ANKRD36: variants seen among roughly 807,000 people sequenced by gnomAD.
ANKRD36 encodes ankyrin repeat domain 36.
ANKRD36 carries 179 observed loss-of-function variants against 278.1 expected under a neutral mutation model. The ratio of observed to expected loss-of-function variants is 0.64; its 90% CI spans 0.57 to 0.73. ANKRD36 has a LOEUF of 0.73. Ranked by LOEUF, ANKRD36 falls within the 30% of genes least tolerant of loss-of-function variation. The pLI, the probability that ANKRD36 is intolerant of heterozygous loss-of-function variation, is 0.00. For missense variants in ANKRD36, 1,159 were observed against 1,956.7 expected, an observed-to-expected ratio of 0.59 and a Z score of 7.69; for synonymous variants, 320 against 641.1, an observed-to-expected ratio of 0.50 and a Z score of 7.57.
chr2:97,186,116 G>T (rs2057371171), intron 30 of ANKRD36, among the ~76,000 whole-genome samples: 1 of 151,796 alleles, frequency 6.6e-6, no homozygotes, highest in African/African-American at 2.4e-5. Context: ...GGAACTACTG[G>T]ATGAAGCAAA....
At position 97,155,951 on chromosome 2, in the gene ANKRD36, A is replaced by G. The variant is rs1322586282; in HGVS notation, c.1260+1210A>G. ...TATGCCTAAGATATCTAATAATTAA[A>G]TCTATTAAATGTCTTGAATGTTCTG... On this transcript the variant is annotated intron_variant, in intron 15 of 75. Transcript: ENST00000420699. Among the ~76,000 whole-genome samples, 7 of 146,344 alleles carry G rather than the reference A, an allele frequency of 4.8e-5. 2 individuals carry two copies. Among genetic ancestry groups the G allele is most frequent in the African/African-American group, 9.7e-5 (4 of 41,162 alleles).
chr2:97,192,691 T>A (rs189666978), intron 36 of ANKRD36, among the ~76,000 whole-genome samples, 167 bp from the exon 37 acceptor site: 3 of 151,530 alleles, frequency 2.0e-5, no homozygotes, highest in Admixed American at 1.3e-4. Context: ...ATTCCCTTTT[T>A]TCAGTGTATT....
At chr2:97,165,629 T>C (rs997189945) in intron 20 of ANKRD36, among the ~76,000 whole-genome samples, 4 of 152,182 alleles carry the variant, frequency 2.6e-5, no homozygotes, top group Non-Finnish European at 5.9e-5. Flanking sequence ...ACTCCAGGAA[T>C]GATCAAATCA....
intron 64 of ANKRD36, among the ~76,000 whole-genome samples, chr2:97,218,290 T>C (rs2066483941): frequency 6.7e-6 from 1 of 149,110 alleles, no homozygotes; most frequent in African/African-American, 2.5e-5. Context: ...GATTTCCAAA[T>C]GTATAAGTTT....
At chr2:97,219,467 TG>T (rs1242504335) in intron 66 of ANKRD36, among the ~76,000 whole-genome samples, 1 of 152,064 alleles carries the variant, frequency 6.6e-6, no homozygotes, top group African/African-American at 2.4e-5. Context: ...TGTTTTGTTT[TG>T]TTTTTTGTTT....
At position 97,203,489 on chromosome 2, in the gene ANKRD36, G is replaced by A. The variant is rs139024447; in HGVS notation, c.2960-579G>A. Reference sequence around the variant, plus strand: ...TAGGCAGATTATTACACCATATGGGGGTGAGAGATAATGAATATTATCTAC... The same window carrying A: ...TAGGCAGATTATTACACCATATGGGAGTGAGAGATAATGAATATTATCTAC... On this transcript the variant is annotated intron_variant, in intron 48 of 75. Transcript: ENST00000420699. 2.0e-5 allele frequency among the ~76,000 whole-genome samples: 3 copies of A among 151,840 alleles called. No individual in the cohort carries two copies. In the South Asian group the frequency reaches 6.3e-4, roughly 32 times the overall value.
At chr2:97,151,848 T>A in intron 12 of ANKRD36, 31 bp from the exon 13 acceptor site, 1 of 1,219,600 alleles carries the variant, frequency 8.2e-7, no homozygotes, top group Non-Finnish European at 1.1e-6. Context: ...TGCTCCATGT[T>A]ATTCTTAAAC....
intron 40 of ANKRD36, among the ~76,000 whole-genome samples, chr2:97,195,374 A>T (rs1387434817): frequency 1.3e-5 from 2 of 151,942 alleles, no homozygotes; most frequent in Non-Finnish European, 2.9e-5. Context: ...ATGAAGACGG[A>T]TTGTGAGGCA....
chr2:97,200,782 G>A (rs1157903782), intron 46 of ANKRD36, among the ~76,000 whole-genome samples: 7 of 151,884 alleles, frequency 4.6e-5, no homozygotes, highest in Non-Finnish European at 1.0e-4. Context: ...AGGGGCTCTG[G>A]GGCCCAGCAT....
At chr2:97,233,618 G>T in intron 67 of ANKRD36, 112 bp from the exon 68 acceptor site, 1 of 1,541,364 alleles carries the variant, frequency 6.5e-7, no homozygotes, top group South Asian at 1.2e-5. Flanking sequence ...GTACGGAACA[G>T]GTACCTGTGT....
rs2039410355 is a variant in ANKRD36, at chr2:97,129,165, A to C, written c.799+2031A>C. 2.6e-5 allele frequency among the ~76,000 whole-genome samples: 4 copies of C among 152,050 alleles called. No individual in the cohort carries two copies. The South Asian group carries it at 8.4e-4, about 32-fold the overall frequency. ...CTGACTTTTTAATGATCGCCATTCT[A>C]ACTCTGGTGTGAGATGGTATCTCAT... On this transcript the variant is annotated intron_variant, in intron 6 of 75. Transcript: ENST00000420699.
intron 24 of ANKRD36, 93 bp from the exon 25 acceptor site, chr2:97,181,505 G>T (rs2056189013): frequency 1.3e-6 from 2 of 1,553,270 alleles, no homozygotes; most frequent in Middle Eastern, 4.7e-4. Context: ...AGTACAGGCA[G>T]GAAGATACAG....
At chr2:97,149,267 A>T (rs2045253796) in intron 11 of ANKRD36, 28 bp from the exon 12 acceptor site, 1 of 1,524,868 alleles carries the variant, frequency 6.6e-7, no homozygotes, top group Admixed American at 2.0e-5. Flanking sequence ...GAATGAGCTC[A>T]TTTTTGTAAT....
At chr2:97,133,523 A>G (rs1237652425) in intron 6 of ANKRD36, among the ~76,000 whole-genome samples, 2 of 152,012 alleles carry the variant, frequency 1.3e-5, no homozygotes, top group African/African-American at 4.8e-5. Context: ...GTTTTGTTTT[A>G]TATTTTGTTA....
intron 36 of ANKRD36, 82 bp downstream of exon 36, chr2:97,191,263 C>A: frequency 1.5e-6 from 2 of 1,375,280 alleles, no homozygotes; most frequent in South Asian, 1.4e-5. Context: ...TGGCCTGGGG[C>A]TCGTCGAAGC....
intron 22 of ANKRD36, among the ~76,000 whole-genome samples, chr2:97,173,144 A>G (rs1207851038): frequency 2.0e-5 from 3 of 151,782 alleles, no homozygotes; most frequent in East Asian, 3.9e-4. Context: ...TAAATAGGTT[A>G]TATTGAATAA....
At chr2:97,143,399 TAGA>T (rs1472513116) in intron 8 of ANKRD36, among the ~76,000 whole-genome samples, 2 of 152,138 alleles carry the variant, frequency 1.3e-5, no homozygotes, top group African/African-American at 4.8e-5. Flanking sequence ...AATATTTGCA[TAGA>T]AGAAGATTAG....
Position 97,206,066 on chromosome 2 carries a change from AC to A in ANKRD36, c.3095del (p.Thr1032LysfsTer9). On this transcript the variant is annotated frameshift_variant, in exon 52 of 76. Coordinates refer to ENST00000420699, the MANE Select transcript of ANKRD36 (RefSeq NM_001354587.1). LOFTEE classifies it high-confidence loss of function. Reference sequence around the variant, plus strand: ...TTTTGTTTCAAATTCCATTCAGGCTACAAGTGATGAGGAAGATTCTGTTTTG... The same window carrying A: ...TTTTGTTTCAAATTCCATTCAGGCTAAAGTGATGAGGAAGATTCTGTTTTG... ...SSQKPPTLKA[T>X]SDEEDSVLSI... 6.4e-7 allele frequency: 1 copy of A among 1,550,884 alleles called. No homozygotes were observed.
At chr2:97,138,740 A>G (rs1429824675) in intron 6 of ANKRD36, among the ~76,000 whole-genome samples, 1 of 152,058 alleles carries the variant, frequency 6.6e-6, no homozygotes, top group Non-Finnish European at 1.5e-5. Context: ...AAAGAGATAT[A>G]TAGACCAATG....
Sources: gnomAD v4.1 joint callset for allele counts (sites outside exome capture counted in the v4.1 genomes callset) on GRCh38, gnomAD v4.1.1 for gene constraint, MANE v1.5 for transcripts, NCBI Gene and HGNC (gene_info 2026-07-23, HGNC 2026-07-21) for gene names.